RABGEF1: variants seen among roughly 807,000 people sequenced by gnomAD.
The protein encoded by RABGEF1 is RAB guanine nucleotide exchange factor 1.
In RABGEF1, 26 loss-of-function variants were observed where a neutral mutation model predicts 57.3. The observed-to-expected ratio is 0.45, with a 90% CI of 0.33 to 0.63. The LOEUF (loss-of-function observed/expected upper bound fraction) is 0.63, where lower values mean the gene tolerates loss of function less well. Ranked by LOEUF, RABGEF1 falls within the 20% of genes least tolerant of loss-of-function variation. RABGEF1 has a pLI of 0.02. For synonymous variants in RABGEF1, 185 were observed against 210.7 expected (o/e 0.88, Z 1.06); for missense variants, 464 against 607.6 (o/e 0.76, Z 2.48).
At chr7:66,758,707 A>T (rs1803421668) in intron 1 of RABGEF1, among the ~76,000 whole-genome samples, 2 of 151,986 alleles carry the variant, frequency 1.3e-5, no homozygotes, top group South Asian at 2.1e-4. Context: ...CTTCTACCGT[A>T]ACAGCTGTCA....
intron 2 of RABGEF1, among the ~76,000 whole-genome samples, chr7:66,726,931 G>A (rs1796649549): frequency 6.6e-6 from 1 of 152,156 alleles, no homozygotes; most frequent in Non-Finnish European, 1.5e-5. Context: ...CTGAACCCAG[G>A]AAGCGGAGAT....
chr7:66,767,157 C>T (rs1805956883), intron 1 of RABGEF1, among the ~76,000 whole-genome samples: 1 of 152,062 alleles, frequency 6.6e-6, no homozygotes, highest in Non-Finnish European at 1.5e-5. Flanking sequence ...CGTCTGCCAC[C>T]ATGCTCAGCT....
At chr7:66,737,049 G>GGGGA (rs1164071613), upstream of RABGEF1, among the ~76,000 whole-genome samples, 1 of 137,824 alleles carries the variant, frequency 7.3e-6, no homozygotes, top group African/African-American at 2.7e-5. Flanking sequence ...ATATATGAGG[G>GGGGA]GGGAGAGAGA....
the RABGEF1 span, among the ~76,000 whole-genome samples, chr7:66,666,852 A>G: frequency 6.6e-6 from 1 of 152,102 alleles, no homozygotes; most frequent in African/African-American, 2.4e-5. Context: ...ATGGGCAGAA[A>G]TTTGCAGGGG....
intron 1 of RABGEF1, among the ~76,000 whole-genome samples, chr7:66,683,222 C>G (rs1421837022): frequency 2.0e-5 from 3 of 152,146 alleles, no homozygotes; most frequent in Non-Finnish European, 4.4e-5. Context: ...AAGCGATCCT[C>G]CCGCCTCGGC....
At chr7:66,751,085 C>T (rs1402468307) in intron 1 of RABGEF1, among the ~76,000 whole-genome samples, 2 of 148,194 alleles carry the variant, frequency 1.3e-5, no homozygotes, top group African/African-American at 5.0e-5. Context: ...GGCGGGAGTG[C>T]AGTGGTGTGA....
At chr7:66,728,516 A>G (rs1397442996) in intron 2 of RABGEF1, among the ~76,000 whole-genome samples, 1 of 137,840 alleles carries the variant, frequency 7.3e-6, no homozygotes, top group African/African-American at 2.7e-5. Flanking sequence ...TGGCATTCCC[A>G]TTTCACCATT....
chr7:66,773,975 G>T, intron 2 of RABGEF1: 1 of 357,922 alleles, frequency 2.8e-6, no homozygotes, highest in Non-Finnish European at 5.5e-6. Context: ...CTGTGTTTGG[G>T]AATTAATACA....
the RABGEF1 span, among the ~76,000 whole-genome samples, chr7:66,671,965 C>T: frequency 1.1e-3 from 163 of 151,812 alleles, no homozygotes; most frequent in African/African-American, 3.6e-3. Flanking sequence ...TAGAGGTGCA[C>T]ACCACCACGC....
At chr7:66,678,564 CAAAAAAA>C (rs58309880), upstream of RABGEF1, among the ~76,000 whole-genome samples, 9 of 86,192 alleles carry the variant, frequency 1.0e-4, no homozygotes, top group African/African-American at 2.3e-4. Context: ...GAGTCCGTCT[CAAAAAAA>C]AAAAAAAAAA....
chr7:66,741,819 A>G (rs1188003071), intron 1 of RABGEF1, among the ~76,000 whole-genome samples: 6 of 152,074 alleles, frequency 3.9e-5, no homozygotes, highest in Admixed American at 3.3e-4. Flanking sequence ...GGCGTGAGCC[A>G]TTGCGCGGCT....
At chr7:66,700,365 C>T (rs1345844998) in intron 1 of RABGEF1, among the ~76,000 whole-genome samples, 1 of 152,174 alleles carries the variant, frequency 6.6e-6, no homozygotes. Context: ...GCGTTCCTGA[C>T]ATGCCATGGA....
the RABGEF1 span, among the ~76,000 whole-genome samples, chr7:66,676,227 G>A: frequency 5.9e-5 from 9 of 152,060 alleles, no homozygotes; most frequent in African/African-American, 2.2e-4. Flanking sequence ...AGGTTGCAGT[G>A]AGCCAAGATT....
At chr7:66,746,167 G>A (rs1800168618) in intron 1 of RABGEF1, among the ~76,000 whole-genome samples, 1 of 152,116 alleles carries the variant, frequency 6.6e-6, no homozygotes, top group South Asian at 2.1e-4. Context: ...TTATCTCTTT[G>A]ATGTTTGGAT....
rs142966747 is a variant in RABGEF1, at chr7:66,779,408, G to T, written c.346+4015G>T. Among the ~76,000 whole-genome samples, 1,155 of 151,714 alleles carry T rather than the reference G, an allele frequency of 7.6e-3. 17 individuals are homozygous for T. The highest frequency in any genetic ancestry group is 0.026 in the African/African-American group (1,086 of 41,398). ...AATCCCAGCTGCTTGGGAGGCTGAG[G>T]CAGGAGAACTGTTTGAACCTGGGAG... On this transcript the variant is annotated intron_variant, in intron 3 of 8. Transcript: ENST00000284957.
chr7:66,694,960 C>A (rs1357836927), intron 1 of RABGEF1, among the ~76,000 whole-genome samples: 1 of 152,146 alleles, frequency 6.6e-6, no homozygotes, highest in African/African-American at 2.4e-5. Context: ...GAGGACGAGG[C>A]TGGTGACCCA....
chr7:66,686,695 A>C (rs554873440), intron 1 of RABGEF1, among the ~76,000 whole-genome samples: 1 of 152,280 alleles, frequency 6.6e-6, no homozygotes, highest in East Asian at 1.9e-4. Flanking sequence ...AAGCTCCTAA[A>C]ATGCTGTAGG....
At chr7:66,748,369 T>G (rs1800709904) in intron 1 of RABGEF1, among the ~76,000 whole-genome samples, 1 of 152,222 alleles carries the variant, frequency 6.6e-6, no homozygotes, top group African/African-American at 2.4e-5. Context: ...TTCCATACTT[T>G]CTCAGTGGAT....
intron 1 of RABGEF1, among the ~76,000 whole-genome samples, chr7:66,707,784 GCT>G (rs560168958): frequency 2.0e-5 from 3 of 152,250 alleles, no homozygotes; most frequent in Non-Finnish European, 4.4e-5. Context: ...GTACTTTGAG[GCT>G]CTGTTTTTCG....
Sources: allele counts gnomAD v4.1 joint callset (sites outside exome capture counted in the v4.1 genomes callset), GRCh38; gene constraint gnomAD v4.1.1; transcripts MANE v1.5; gene names NCBI Gene and HGNC (gene_info 2026-07-23, HGNC 2026-07-21).